ATPAF2: variants seen among roughly 807,000 people sequenced by gnomAD.
ATPAF2 encodes the protein ATP12 homolog.
In ATPAF2, 30 loss-of-function variants were observed where a neutral mutation model predicts 36.6. The observed-to-expected ratio is 0.82, with a 90% CI of 0.61 to 1.11. The LOEUF (loss-of-function observed/expected upper bound fraction) is 1.11, where lower values mean the gene tolerates loss of function less well. Among genes scored for constraint, ATPAF2 ranks in the 50% most tolerant of loss-of-function variants. ATPAF2 has a pLI of 0.00. For synonymous variants in ATPAF2, 140 were observed against 152.6 expected (o/e 0.92, Z 0.61); for missense variants, 321 against 372.3 (o/e 0.86, Z 1.13).
At position 18,024,678 on chromosome 17, in the gene ATPAF2, A is replaced by G. The variant is rs1200890251; in HGVS notation, c.449T>C (p.Leu150Ser). 3 of 1,613,936 alleles carry G rather than the reference A, an allele frequency of 1.9e-6. No individual in the cohort carries two copies. Among genetic ancestry groups the G allele is most frequent in the East Asian group, 4.5e-5 (2 of 44,902 alleles). Residue 150 changes from leucine (L) to serine (S), a missense_variant, in exon 5 of 8, where the codon TTA becomes TCA. Physicochemically the swap from Leu to Ser is moderately radical, Grantham distance 145. Coordinates refer to ENST00000474627, the MANE Select transcript of ATPAF2 (RefSeq NM_145691.4). Reference protein sequence around the residue: ...ICYRVEEPETLVELQRNEWDP... With the variant: ...ICYRVEEPETSVELQRNEWDP... ...CCACTCATTCCTTTGAAGTTCCACT[A>G]ATGTCTCGGGCTCCTCCACCCTGTA... is the stretch of plus-strand genomic sequence containing the variant.
At chr17:18,028,570 C>CAAAAAAAAAA in intron 2 of ATPAF2, 45 bp downstream of exon 2, 12 of 1,350,106 alleles carry the variant, frequency 8.9e-6, no homozygotes, top group East Asian at 7.5e-5. Flanking sequence ...CAACCATTCA[C>CAAAAAAAAAA]AAAAAAAAAA....
At chr17:18,016,073 G>T, downstream of ATPAF2, 1 of 1,613,380 alleles carries the variant, frequency 6.2e-7, no homozygotes, top group Non-Finnish European at 8.5e-7. Context: ...GCTTTTTGTC[G>T]ATAAAGATAC....
At chr17:18,026,773 G>C in intron 3 of ATPAF2, 1 of 363,634 alleles carries the variant, frequency 2.8e-6, no homozygotes, top group South Asian at 2.8e-5. Context: ...TCTGGGATGT[G>C]AAAACTGAGG....
chr17:18,019,147 CCACACACACACACACACA>C (rs138932269), intron 7 of ATPAF2, among the ~76,000 whole-genome samples: 52 of 135,658 alleles, frequency 3.8e-4, no homozygotes, highest in South Asian at 1.9e-3. Context: ...CTCAAAAACA[CCACACACACACACACACA>C]CACACACACA....
intron 1 of ATPAF2, among the ~76,000 whole-genome samples, chr17:18,033,561 A>G (rs567262403): frequency 1.3e-5 from 2 of 152,236 alleles, no homozygotes; most frequent in East Asian, 3.9e-4. Flanking sequence ...TTGTAGGATC[A>G]TGCAGAACTG....
At chr17:18,028,570 C>CCA (rs2044581246) in intron 2 of ATPAF2, 45 bp downstream of exon 2, 1 of 1,100,038 alleles carries the variant, frequency 9.1e-7, no homozygotes, top group South Asian at 1.7e-5. Flanking sequence ...CAACCATTCA[C>CCA]AAAAAAAAAA....
intron 1 of ATPAF2, among the ~76,000 whole-genome samples, chr17:18,036,489 T>C (rs2044705479): frequency 6.6e-6 from 1 of 150,414 alleles, no homozygotes. Flanking sequence ...GGCAGGAGAA[T>C]GGCGTGAACC....
Position 18,026,346 on chromosome 17 carries a change from A to T in ATPAF2, c.395T>A (p.Val132Glu). Residue 132 changes from valine (V) to glutamate (E), a missense_variant, in exon 4 of 8, where the codon GTG becomes GAG. Around this residue, in one of 3 missense-constraint regions of ATPAF2, gnomAD observed 199 missense variants for 220.6 expected, o/e 0.90. Coordinates refer to ENST00000474627, the MANE Select transcript of ATPAF2 (RefSeq NM_145691.4). ...GATGGTGTCGGTGTCCAGAAACTTC[A>T]CGGCTGCCCGGATCAGCTGATCCTT... ...RNKDQLIRAA[V>E]KFLDTDTICY... The T allele has an allele frequency of 6.2e-7, 1 of 1,614,226 alleles. No individual in the cohort carries two copies. Among genetic ancestry groups the T allele is most frequent in the Non-Finnish European group, 8.5e-7 (1 of 1,180,036 alleles).
At chr17:18,028,127 G>T in intron 3 of ATPAF2, 105 bp downstream of exon 3, 1 of 1,397,048 alleles carries the variant, frequency 7.2e-7, no homozygotes, top group Non-Finnish European at 1.0e-6. Context: ...GGGCCAGACA[G>T]GCAAAGGACC....
intron 3 of ATPAF2, among the ~76,000 whole-genome samples, chr17:18,026,967 T>C (rs998759500): frequency 2.0e-5 from 3 of 152,166 alleles, no homozygotes; most frequent in Non-Finnish European, 4.4e-5. Context: ...ACGCCTGTAA[T>C]CTCAGCACTT....
intron 7 of ATPAF2, among the ~76,000 whole-genome samples, chr17:18,020,180 A>C (rs1186385357): frequency 6.6e-6 from 1 of 152,204 alleles, no homozygotes; most frequent in East Asian, 1.9e-4. Context: ...TTGGTGGAAT[A>C]ACAATAAAAA....
intron 1 of ATPAF2, among the ~76,000 whole-genome samples, chr17:18,033,685 C>A (rs1029558480): frequency 6.6e-6 from 1 of 152,128 alleles, no homozygotes; most frequent in East Asian, 1.9e-4. Flanking sequence ...TAAAACAGTG[C>A]CATCTGGTGG....
chr17:18,028,128 G>A, intron 3 of ATPAF2, 104 bp downstream of exon 3: 2 of 1,411,854 alleles, frequency 1.4e-6, no homozygotes, highest in South Asian at 2.3e-5. Flanking sequence ...GGCCAGACAG[G>A]CAAAGGACCA....
At position 18,021,850 on chromosome 17, in the gene ATPAF2, C is replaced by A. The variant is rs62073570; in HGVS notation, c.511G>T (p.Val171Leu). ...IIEWAEKRYG[V>L]EISSSTSIMG... ...ATGCTGGTGGAGGAGCTGATCTCCA[C>A]GCCGTATCTGAAAGGAAAAGGGCTT... Residue 171 changes from valine to leucine, a missense_variant, in exon 6 of 8, where the codon GTG becomes TTG. Around this residue, in one of 3 missense-constraint regions of ATPAF2, gnomAD observed 199 missense variants for 220.6 expected, o/e 0.90. Transcript: ENST00000474627. 3.5e-5 allele frequency: 57 copies of A among 1,614,002 alleles called. No homozygotes were observed. The highest frequency in any genetic ancestry group is 4.5e-5 in the Non-Finnish European group (53 of 1,179,894).
chr17:18,016,873 TAAAAAA>T (rs5819640), downstream of ATPAF2: 1,536 of 302,928 alleles, frequency 5.1e-3, 17 homozygotes, highest in East Asian at 0.031. Flanking sequence ...CCCCTACTCA[TAAAAAA>T]AAAAAAAAAA....
chr17:18,016,925 G>C (rs1256430534), downstream of ATPAF2: 2 of 305,398 alleles, frequency 6.5e-6, no homozygotes, highest in African/African-American at 2.2e-5. Context: ...TGTAATCCCA[G>C]CACTTTGGGA....
chr17:18,018,770 G>T, intron 7 of ATPAF2, 84 bp from the exon 8 acceptor site: 1 of 1,600,364 alleles, frequency 6.2e-7, no homozygotes, highest in Non-Finnish European at 8.5e-7. Flanking sequence ...ATTCCAATAG[G>T]TTGGCTGAGG....
chr17:18,037,320 T>C (rs2145528457), intron 1 of ATPAF2, among the ~76,000 whole-genome samples: 1 of 152,190 alleles, frequency 6.6e-6, no homozygotes, highest in Middle Eastern at 3.4e-3. Flanking sequence ...CTGGGCGCGG[T>C]GGCTCACGCC....
At chr17:18,025,598 C>A (rs1468873741) in intron 4 of ATPAF2, 1 of 154,016 alleles carries the variant, frequency 6.5e-6, no homozygotes, top group Non-Finnish European at 1.4e-5. Flanking sequence ...GGTGACCCAA[C>A]TGTCCTTCAT....
Sources: gnomAD v4.1 joint callset for allele counts (sites outside exome capture counted in the v4.1 genomes callset) on GRCh38, gnomAD v4.1.1 for gene constraint, gnomAD v4.1.1 regional missense constraint, MANE v1.5 for transcripts, NCBI Gene and HGNC (gene_info 2026-07-23, HGNC 2026-07-21) for gene names.